The following CCDC178 variants were observed in gnomAD, a reference collection of about 807,000 sequenced individuals.
CCDC178 encodes the protein coiled-coil domain-containing protein 178.
CCDC178 carries 126 observed loss-of-function variants against 117.4 expected under a neutral mutation model. That is an observed-to-expected ratio of 1.07 (90% confidence interval 0.93 to 1.24). The LOEUF (loss-of-function observed/expected upper bound fraction) is 1.24, where lower values mean the gene tolerates loss of function less well. Among genes scored for constraint, CCDC178 ranks in the 50% most tolerant of loss-of-function variants. CCDC178 has a pLI of 0.00. For missense variants in CCDC178, 1,030 were observed against 986.9 expected (o/e 1.04, Z -0.59); for synonymous variants, 283 against 313.4 (o/e 0.90, Z 1.02).
At chr18:33,018,684 G>A (rs2056049001) in intron 21 of CCDC178, among the ~76,000 whole-genome samples, 2 of 152,062 alleles carry the variant, frequency 1.3e-5, no homozygotes, top group South Asian at 4.1e-4. Context: ...TAAATGTGCA[G>A]AATAGGCAAA....
chr18:33,179,160 A>G (rs1317878345), intron 20 of CCDC178, among the ~76,000 whole-genome samples: 1 of 113,434 alleles, frequency 8.8e-6, no homozygotes, highest in African/African-American at 3.7e-5. Flanking sequence ...ATATATATAA[A>G]CTATATATAT....
At chr18:33,163,526 T>C (rs2058491402) in intron 20 of CCDC178, among the ~76,000 whole-genome samples, 2 of 152,190 alleles carry the variant, frequency 1.3e-5, no homozygotes, top group East Asian at 3.9e-4. Context: ...ACTTATCAGC[T>C]ATTACTAAAA....
intron 14 of CCDC178, among the ~76,000 whole-genome samples, chr18:33,265,788 C>A (rs1465840963): frequency 6.6e-6 from 1 of 151,922 alleles, no homozygotes; most frequent in Admixed American, 6.6e-5. Context: ...ACATGCCTAT[C>A]AAAATGTAGA....
chr18:33,373,438 T>G (rs955690132), intron 5 of CCDC178, among the ~76,000 whole-genome samples: 1 of 152,168 alleles, frequency 6.6e-6, no homozygotes, highest in Non-Finnish European at 1.5e-5. Context: ...CCTATAGCTA[T>G]TATTCTATAT....
intron 22 of CCDC178, among the ~76,000 whole-genome samples, chr18:32,962,993 G>C (rs1217571453): frequency 6.6e-6 from 1 of 151,830 alleles, no homozygotes; most frequent in Non-Finnish European, 1.5e-5. Context: ...TGATATTTCT[G>C]GACTTATTAA....
intron 12 of CCDC178, 56 bp downstream of exon 12, chr18:33,293,103 T>C: frequency 8.2e-7 from 1 of 1,225,958 alleles, no homozygotes; most frequent in Non-Finnish European, 1.1e-6. Context: ...AAAAGTTTAC[T>C]ATTTATAACT....
At chr18:33,366,540 C>T (rs573098963) in intron 6 of CCDC178, among the ~76,000 whole-genome samples, 2 of 151,916 alleles carry the variant, frequency 1.3e-5, no homozygotes, top group Non-Finnish European at 1.5e-5. Context: ...GAATTTTGTG[C>T]AATTCATGAT....
intron 9 of CCDC178, among the ~76,000 whole-genome samples, chr18:33,344,468 C>G (rs190359244): frequency 6.6e-6 from 1 of 152,080 alleles, no homozygotes; most frequent in African/African-American, 2.4e-5. Context: ...AGTTGTCACC[C>G]ATAACAAATA....
At chr18:32,998,540 G>T (rs891722438) in intron 21 of CCDC178, among the ~76,000 whole-genome samples, 3 of 152,098 alleles carry the variant, frequency 2.0e-5, no homozygotes, top group African/African-American at 7.2e-5. Flanking sequence ...CCAACCCTAG[G>T]CAGCATAACT....
intron 14 of CCDC178, among the ~76,000 whole-genome samples, chr18:33,263,662 C>T (rs1367596866): frequency 6.6e-6 from 1 of 152,016 alleles, no homozygotes; most frequent in African/African-American, 2.4e-5. Context: ...TTACCACAAA[C>T]GTGTTACAGA....
chr18:33,119,262 T>C (rs1246876280), intron 20 of CCDC178, among the ~76,000 whole-genome samples: 1 of 152,062 alleles, frequency 6.6e-6, no homozygotes, highest in Non-Finnish European at 1.5e-5. Flanking sequence ...ACCCACAGAA[T>C]GGGAGAAAAT....
intron 11 of CCDC178, among the ~76,000 whole-genome samples, chr18:33,313,284 C>A (rs1445715250): frequency 2.0e-5 from 3 of 152,136 alleles, no homozygotes; most frequent in Non-Finnish European, 4.4e-5. Flanking sequence ...AAAACCAGCC[C>A]AGGTGGAAGC....
intron 22 of CCDC178, among the ~76,000 whole-genome samples, chr18:32,951,879 A>G (rs900422751): frequency 1.3e-5 from 2 of 152,202 alleles, no homozygotes; most frequent in Non-Finnish European, 2.9e-5. Flanking sequence ...AAATGGGACA[A>G]ATTGGCCAAA....
At chr18:33,212,107 A>C in intron 19 of CCDC178, 52 bp from the exon 20 acceptor site, 1 of 1,371,010 alleles carries the variant, frequency 7.3e-7, no homozygotes, top group Middle Eastern at 2.3e-4. Flanking sequence ...TTTATTTTTC[A>C]AAATGCATTT....
chr18:33,211,250 T>G (rs1377539027), intron 20 of CCDC178, among the ~76,000 whole-genome samples: 1 of 151,904 alleles, frequency 6.6e-6, no homozygotes, highest in East Asian at 1.9e-4. Flanking sequence ...TGAGTAATAT[T>G]TTTAAATGTA....
At chr18:33,367,157 T>A (rs1401759235) in intron 6 of CCDC178, among the ~76,000 whole-genome samples, 1 of 152,082 alleles carries the variant, frequency 6.6e-6, no homozygotes, top group Non-Finnish European at 1.5e-5. Flanking sequence ...ATGGGGAATG[T>A]GTGATGTTTT....
At chr18:33,184,358 G>A (rs1047570857) in intron 20 of CCDC178, among the ~76,000 whole-genome samples, 4 of 151,982 alleles carry the variant, frequency 2.6e-5, no homozygotes, top group Admixed American at 2.6e-4. Context: ...TACCCAAGAA[G>A]CAAACAAAGT....
chr18:33,395,825 C>T (rs758265762), intron 4 of CCDC178, among the ~76,000 whole-genome samples: 7 of 151,888 alleles, frequency 4.6e-5, no homozygotes, highest in Non-Finnish European at 8.8e-5. Flanking sequence ...AAATAGCACG[C>T]AAAAATCAAT....
At position 32,980,811 on chromosome 18, in the gene CCDC178, GA is replaced by G. The variant is rs554755509; in HGVS notation, c.2389-6131del. ...CAATATCAAATTTTGGTAAAGATGT[GA>G]AAAAAATTAAACTCATATGCTGTTC... is the stretch of plus-strand genomic sequence containing the variant. On this transcript the variant is annotated intron_variant, in intron 21 of 22. Coordinates refer to ENST00000383096, the MANE Select transcript of CCDC178 (RefSeq NM_001105528.4). Among the ~76,000 whole-genome samples the G allele has an allele frequency of 5.9e-4, 90 of 152,160 alleles. No homozygotes were observed. The South Asian group carries it at 6.2e-3, about 11-fold the overall frequency.
Sources: allele counts gnomAD v4.1 joint callset (sites outside exome capture counted in the v4.1 genomes callset), GRCh38; gene constraint gnomAD v4.1.1; transcripts MANE v1.5; gene names NCBI Gene and HGNC (gene_info 2026-07-23, HGNC 2026-07-21).